Variants in CACNA1D observed in about 807,000 individuals in gnomAD.
CACNA1D encodes the protein voltage-dependent L-type calcium channel subunit alpha-1D.
CACNA1D carries 55 observed loss-of-function variants against 257.1 expected under a neutral mutation model. The ratio of observed to expected loss-of-function variants is 0.21; its 90% CI spans 0.17 to 0.27. CACNA1D has a LOEUF of 0.27. CACNA1D is among the 10% of genes least tolerant of loss of function. The pLI is 1.00. For synonymous variants in CACNA1D, 980 were observed against 1,014.9 expected, an observed-to-expected ratio of 0.97 and a Z score of 0.65; for missense variants, 1,876 against 2,784.0, an observed-to-expected ratio of 0.67 and a Z score of 7.34.
At chr3:53,697,937 C>T (rs1174504607) in intron 8 of CACNA1D, among the ~76,000 whole-genome samples, 1 of 152,096 alleles carries the variant, frequency 6.6e-6, no homozygotes, top group African/African-American at 2.4e-5. Flanking sequence ...CTCCAAAGTC[C>T]CCTGGTTCCT....
At chr3:53,718,570 T>TGGC in intron 10 of CACNA1D, 182 bp downstream of exon 10, 1 of 717,964 alleles carries the variant, frequency 1.4e-6, no homozygotes, top group Non-Finnish European at 2.4e-6. Flanking sequence ...CCTGCACACC[T>TGGC]CCCCACCCCC....
In CACNA1D at chr3:53,749,436, A is replaced by G. The variant is rs1398938813; in HGVS notation, c.3483A>G (p.Lys1161=). 1 of 1,613,906 alleles carries G rather than the reference A, an allele frequency of 6.2e-7. No individual in the cohort carries two copies. The highest frequency in any genetic ancestry group is 8.5e-7 in the Non-Finnish European group (1 of 1,179,774). ...VIVTFQEQGE[K]EYKNCELDKN... is the part of the protein sequence containing the mutation. ...TTACATTTCAGGAACAAGGAGAAAA[A>G]GAGTATAAGAACTGTGAGCTGGACA... is the stretch of plus-strand genomic sequence containing the variant. Residue 1161 remains lysine (K), a synonymous_variant, in exon 27 of 48, where the codon AAA becomes AAG. Coordinates refer to ENST00000350061, the MANE Select transcript of CACNA1D (RefSeq NM_001128840.3).
chr3:53,752,804 G>C (rs1358118576), intron 28 of CACNA1D, among the ~76,000 whole-genome samples: 1 of 152,228 alleles, frequency 6.6e-6, no homozygotes, highest in Admixed American at 6.5e-5. Context: ...TGGCAGTAGG[G>C]AATTTTCCAG....
intron 26 of CACNA1D, among the ~76,000 whole-genome samples, chr3:53,748,269 A>G (rs1417434318): frequency 2.6e-5 from 4 of 152,238 alleles, no homozygotes; most frequent in Admixed American, 1.3e-4. Context: ...AAACACACCT[A>G]GAGTCCTGGA....
chr3:53,635,650 T>C (rs1322880489), intron 3 of CACNA1D, among the ~76,000 whole-genome samples: 1 of 152,210 alleles, frequency 6.6e-6, no homozygotes, highest in Non-Finnish European at 1.5e-5. Flanking sequence ...TGGATCTCTG[T>C]AGTGCCTCTT....
intron 3 of CACNA1D, among the ~76,000 whole-genome samples, chr3:53,623,174 C>T (rs1016599796): frequency 1.3e-5 from 2 of 152,220 alleles, no homozygotes; most frequent in African/African-American, 4.8e-5. Flanking sequence ...AGGCGTGAGC[C>T]ACCGCGCCCG....
At chr3:53,592,774 G>C (rs926131305) in intron 3 of CACNA1D, among the ~76,000 whole-genome samples, 6 of 152,018 alleles carry the variant, frequency 3.9e-5, no homozygotes, top group African/African-American at 1.4e-4. Context: ...CACAACCTCA[G>C]CTCACTGCAA....
Position 53,776,102 on chromosome 3 carries a change from C to T in CACNA1D, c.4362+57C>T, listed in dbSNP as rs542637540. On this transcript the variant is annotated intron_variant, in intron 35 of 47. Transcript: ENST00000350061. ...TTACAGATGCTTATGTAGCAGTCAG[C>T]GTTCACACAAATGGCCTTGCCCTGT... is the stretch of plus-strand genomic sequence containing the variant. 223 of 1,498,864 alleles carry T rather than the reference C, an allele frequency of 1.5e-4. No homozygotes were observed. The East Asian group carries it at 3.9e-3, about 27-fold the overall frequency. The allele number at this position is 1,498,864 out of a possible 1,614,324, so 92.8% of individuals were successfully genotyped here. A position where few individuals can be genotyped will look rare whatever the true frequency, so the allele number is the denominator to read the frequency against.
At chr3:53,610,059 C>T (rs1262274946) in intron 3 of CACNA1D, among the ~76,000 whole-genome samples, 2 of 152,164 alleles carry the variant, frequency 1.3e-5, no homozygotes, top group Admixed American at 6.5e-5. Context: ...ATCAAAAGGT[C>T]AATCATTGAC....
chr3:53,714,938 A>G (rs2094802879), intron 9 of CACNA1D, among the ~76,000 whole-genome samples: 1 of 152,192 alleles, frequency 6.6e-6, no homozygotes, highest in South Asian at 2.1e-4. Context: ...CATTAAAAAA[A>G]TGAATGCCTA....
At chr3:53,596,773 A>C (rs1056163220) in intron 3 of CACNA1D, among the ~76,000 whole-genome samples, 14 of 152,208 alleles carry the variant, frequency 9.2e-5, no homozygotes, top group African/African-American at 3.4e-4. Flanking sequence ...AGCAAGACCC[A>C]TTTCTGCCAT....
intron 14 of CACNA1D, among the ~76,000 whole-genome samples, chr3:53,725,435 C>T (rs538507212): frequency 2.6e-5 from 4 of 152,308 alleles, no homozygotes; most frequent in Admixed American, 2.6e-4. Context: ...CATCAGAGGG[C>T]ACATGTGTTG....
At position 53,673,218 on chromosome 3, in the gene CACNA1D, G is replaced by A; in HGVS notation, c.1220+92G>A. 1 of 807,114 alleles carries A rather than the reference G, an allele frequency of 1.2e-6. No individual in the cohort carries two copies. The highest frequency in any genetic ancestry group is 2.1e-6 in the Non-Finnish European group (1 of 481,736). 50.0% of individuals were successfully genotyped at this position (807,114 alleles called of 1,614,324 possible). On this transcript the variant is annotated intron_variant, in intron 8 of 47. Transcript: ENST00000350061. This position sits in a 1 kb window ranked among gnomAD's most constrained non-coding sequence, Gnocchi z 4.1. ...TGCTGGATGAGGGCCGCCAAGAGGG[G>A]TTGCCAGACATTTTATGTGTCCTCT... is the stretch of plus-strand genomic sequence containing the variant.
chr3:53,777,446 G>A (rs1264624755), intron 37 of CACNA1D, among the ~76,000 whole-genome samples: 2 of 152,190 alleles, frequency 1.3e-5, no homozygotes, highest in Non-Finnish European at 2.9e-5. Flanking sequence ...GTTGGCAATG[G>A]AGAAGTAGAC....
At chr3:53,796,363 G>T in intron 40 of CACNA1D, 1 of 456,054 alleles carries the variant, frequency 2.2e-6, no homozygotes, top group South Asian at 1.5e-5. Context: ...GCCCAGTCCC[G>T]ACTAGAGACA....
At chr3:53,566,512 C>T (rs893241649) in intron 3 of CACNA1D, among the ~76,000 whole-genome samples, 5 of 152,316 alleles carry the variant, frequency 3.3e-5, no homozygotes, top group South Asian at 2.1e-4. Flanking sequence ...TCCTACATGG[C>T]ACCTGACACA....
chr3:53,712,360 G>T (rs1422417972), intron 9 of CACNA1D, among the ~76,000 whole-genome samples: 2 of 152,220 alleles, frequency 1.3e-5, no homozygotes, highest in African/African-American at 2.4e-5. Flanking sequence ...ATGGATGCTG[G>T]GCTGCCCCTG....
At chr3:53,672,459 G>T (rs1314627354) in intron 7 of CACNA1D, among the ~76,000 whole-genome samples, 1 of 152,204 alleles carries the variant, frequency 6.6e-6, no homozygotes, top group Non-Finnish European at 1.5e-5. Flanking sequence ...CCTTGGGTAG[G>T]TTGGTTTCCA....
intron 3 of CACNA1D, among the ~76,000 whole-genome samples, chr3:53,553,164 A>G (rs1426065491): frequency 6.6e-6 from 1 of 152,254 alleles, no homozygotes; most frequent in Non-Finnish European, 1.5e-5. Context: ...TGTTTAACCA[A>G]TTCTAGTTGA....
Sources: gnomAD v4.1 joint callset for allele counts (sites outside exome capture counted in the v4.1 genomes callset) on GRCh38, gnomAD v4.1.1 for gene constraint, Gnocchi (gnomAD v3.1) non-coding constraint, MANE v1.5 for transcripts, NCBI Gene and HGNC (gene_info 2026-07-23, HGNC 2026-07-21) for gene names.